Variants in AUTS2 observed in about 807,000 individuals in gnomAD.
AUTS2 encodes activator of transcription and developmental regulator AUTS2, also known as autism susceptibility gene 2 protein.
Under a neutral mutation model 112.4 loss-of-function variants are expected in AUTS2, and 17 were observed. That is an observed-to-expected ratio of 0.15 (90% CI 0.10 to 0.23). AUTS2 has a LOEUF of 0.23. AUTS2 is among the 10% of genes least tolerant of loss of function. The probability of loss-of-function intolerance (pLI) is 1.00; values close to 1 mark genes in which losing one functional copy is unlikely to be tolerated. For missense variants in AUTS2, 1,510 were observed against 1,701.6 expected (o/e 0.89, Z 1.98); for synonymous variants, 751 against 702.7 (o/e 1.07, Z -1.09).
At chr7:70,228,243 A>T (rs532832496) in intron 4 of AUTS2, among the ~76,000 whole-genome samples, 1 of 151,550 alleles carries the variant, frequency 6.6e-6, no homozygotes, top group Non-Finnish European at 1.5e-5. Context: ...ATTAAACTAC[A>T]TTTAATTTGT....
intron 5 of AUTS2, among the ~76,000 whole-genome samples, chr7:70,562,227 G>T (rs1437726318): frequency 1.3e-5 from 2 of 152,198 alleles, no homozygotes; most frequent in South Asian, 2.1e-4. Flanking sequence ...AGCACAAAAT[G>T]GACAAATACA....
chr7:70,017,633 T>C (rs1030338893), intron 2 of AUTS2, among the ~76,000 whole-genome samples: 10 of 152,194 alleles, frequency 6.6e-5, no homozygotes, highest in African/African-American at 2.4e-4. Context: ...GAGGCTGCTG[T>C]GGCCTCTTCA....
intron 2 of AUTS2, among the ~76,000 whole-genome samples, chr7:69,945,137 A>C (rs1280674067): frequency 1.3e-5 from 2 of 152,190 alleles, no homozygotes; most frequent in Non-Finnish European, 2.9e-5. Flanking sequence ...ATAAAATTCC[A>C]CTAATTTAAA....
intron 5 of AUTS2, among the ~76,000 whole-genome samples, chr7:70,497,030 C>CCCCA (rs1798572663): frequency 3.6e-5 from 4 of 110,878 alleles, no homozygotes; most frequent in East Asian, 2.4e-4. Flanking sequence ...CACACACACC[C>CCCCA]CACACATGCA....
rs993335601 is a variant in AUTS2 at position 70,784,151 on chromosome 7, A to T, written c.2147-791A>T. Reference sequence around the variant, plus strand: ...TTCAGTGCCCCAAAACATAAGAATCAACCAGCTTTTCCTGGCATTGAAAGT... The same window carrying T: ...TTCAGTGCCCCAAAACATAAGAATCTACCAGCTTTTCCTGGCATTGAAAGT... On this transcript the variant is annotated intron_variant, in intron 15 of 18. Transcript: ENST00000342771. The T allele has an allele frequency of 1.3e-4, 20 of 152,344 alleles. No individual in the cohort carries two copies. The East Asian group carries it at 3.7e-3, about 28-fold the overall frequency. The allele number at this position is 152,344 out of a possible 1,614,324, so 9.4% of individuals were successfully genotyped here.
At chr7:70,448,069 T>TAAAATG (rs1469868293) in intron 5 of AUTS2, among the ~76,000 whole-genome samples, 5 of 152,186 alleles carry the variant, frequency 3.3e-5, no homozygotes, top group Admixed American at 6.5e-5. Context: ...CCATATAGAA[T>TAAAATG]AAAATGACTG....
At chr7:69,688,687 A>G (rs752050358) in intron 1 of AUTS2, among the ~76,000 whole-genome samples, 1 of 152,182 alleles carries the variant, frequency 6.6e-6, no homozygotes, top group Non-Finnish European at 1.5e-5. Context: ...ATTGTTAACT[A>G]TAGTCATCTT....
chr7:69,650,048 A>T (rs868410528), intron 1 of AUTS2, among the ~76,000 whole-genome samples: 59 of 152,256 alleles, frequency 3.9e-4, no homozygotes, highest in African/African-American at 1.4e-3. Context: ...GGATGGTTGG[A>T]GATTGAGAGC....
At chr7:70,220,649 A>G (rs150318883) in intron 4 of AUTS2, among the ~76,000 whole-genome samples, 4 of 152,352 alleles carry the variant, frequency 2.6e-5, no homozygotes, top group Non-Finnish European at 5.9e-5. Flanking sequence ...ATGCATGGAA[A>G]TGATGGGATA....
At chr7:69,624,753 C>T (rs2129095742) in intron 1 of AUTS2, among the ~76,000 whole-genome samples, 1 of 152,308 alleles carries the variant, frequency 6.6e-6, no homozygotes, top group South Asian at 2.1e-4. Flanking sequence ...CTCCAATCAC[C>T]CTGCTCTGAA....
chr7:70,051,050 C>T (rs771140657), intron 2 of AUTS2, among the ~76,000 whole-genome samples: 5 of 152,242 alleles, frequency 3.3e-5, no homozygotes, highest in African/African-American at 4.8e-5. Context: ...CCTCCGCCTT[C>T]CCCTGCCAAG....
chr7:70,169,984 A>G (rs1325693242), intron 4 of AUTS2, among the ~76,000 whole-genome samples: 1 of 152,054 alleles, frequency 6.6e-6, no homozygotes, highest in Admixed American at 6.6e-5. Flanking sequence ...AGATCCAAAT[A>G]CAATTGCAGT....
chr7:70,786,134 C>A (rs1378743037), intron 17 of AUTS2, 96 bp downstream of exon 17: 8 of 1,059,056 alleles, frequency 7.6e-6, no homozygotes, highest in Non-Finnish European at 9.9e-6. Flanking sequence ...GGAAACTATG[C>A]TCTGGGGGGA....
At chr7:70,095,153 C>G (rs1584713742) in intron 2 of AUTS2, among the ~76,000 whole-genome samples, 1 of 152,170 alleles carries the variant, frequency 6.6e-6, no homozygotes, top group Non-Finnish European at 1.5e-5. Flanking sequence ...GTGGAAACAT[C>G]ATTTGGCAAG....
rs147583903 is a variant in AUTS2, at chr7:70,594,822, C to A, written c.691-103747C>A. Among the ~76,000 whole-genome samples, 588 of 152,242 alleles carry A rather than the reference C, an allele frequency of 3.9e-3. 6 individuals are homozygous for A. Among genetic ancestry groups the A allele is most frequent in the African/African-American group, 0.014 (567 of 41,548 alleles). ...CAATAAGAATTATTACTAGCTGAGG[C>A]CGGGCACAGTCGCTCACACCTGTAA... is the stretch of plus-strand genomic sequence containing the variant. On this transcript the variant is annotated intron_variant, in intron 5 of 18. Transcript: ENST00000342771.
chr7:70,521,128 A>G lies in AUTS2; in HGVS notation c.690+85347A>G, dbSNP rs112607302. On this transcript the variant is annotated intron_variant, in intron 5 of 18. Coordinates refer to ENST00000342771, the MANE Select transcript of AUTS2 (RefSeq NM_015570.4). ...TCACTGAGTAGATGAATGAATGTAC[A>G]TCCCTGACCTTCACCCTTGTTCCTT... is the stretch of plus-strand genomic sequence containing the variant. 6.2e-3 allele frequency among the ~76,000 whole-genome samples: 951 copies of G among 152,234 alleles called. 12 individuals are homozygous for G. Among genetic ancestry groups the G allele is most frequent in the African/African-American group, 0.021 (892 of 41,538 alleles).
chr7:70,673,666 A>G (rs1248251883), intron 5 of AUTS2, among the ~76,000 whole-genome samples: 1 of 152,116 alleles, frequency 6.6e-6, no homozygotes, highest in Non-Finnish European at 1.5e-5. Context: ...GAGAGCCACC[A>G]TGCCTGGCCG....
intron 4 of AUTS2, among the ~76,000 whole-genome samples, chr7:70,178,342 A>G (rs1809107328): frequency 6.6e-6 from 1 of 152,174 alleles, no homozygotes; most frequent in Non-Finnish European, 1.5e-5. Flanking sequence ...TAAACCTGCA[A>G]GACACAGAGG....
At chr7:70,604,875 T>C in intron 5 of AUTS2, among the ~76,000 whole-genome samples, 1 of 152,176 alleles carries the variant, frequency 6.6e-6, no homozygotes, top group East Asian at 1.9e-4. Flanking sequence ...CCCAGGAGTT[T>C]CCCCAAATAT....
Sources: allele counts gnomAD v4.1 joint callset (sites outside exome capture counted in the v4.1 genomes callset), GRCh38; gene constraint gnomAD v4.1.1; transcripts MANE v1.5; gene names NCBI Gene and HGNC (gene_info 2026-07-23, HGNC 2026-07-21).